Variants in CSTPP1 observed in about 807,000 individuals in gnomAD.
The protein encoded by CSTPP1 is centriolar satellite-associated tubulin polyglutamylase complex regulator 1, also known as UPF0705 protein C11orf49.
the CSTPP1 span, among the ~76,000 whole-genome samples, chr11:47,060,258 C>CTTTTTTTTTTT: frequency 2.0e-3 from 194 of 99,020 alleles, no homozygotes; most frequent in Non-Finnish European, 2.3e-3. Context: ...CTTTTCTTTT[C>CTTTTTTTTTTT]TTTTTTTTTT....
At chr11:47,112,055 C>T in the CSTPP1 span, among the ~76,000 whole-genome samples, 1 of 152,162 alleles carries the variant, frequency 6.6e-6, no homozygotes, top group Non-Finnish European at 1.5e-5. Flanking sequence ...GGCACACTCC[C>T]TCCTTAAGAC....
the CSTPP1 span, among the ~76,000 whole-genome samples, chr11:47,156,105 C>T: frequency 3.9e-5 from 6 of 152,306 alleles, no homozygotes; most frequent in East Asian, 1.9e-4. Context: ...CCCAGCCAGC[C>T]CTGGCCTCAT....
the CSTPP1 span, among the ~76,000 whole-genome samples, chr11:47,002,154 A>G: frequency 6.7e-6 from 1 of 148,494 alleles, no homozygotes; most frequent in Non-Finnish European, 1.5e-5. Flanking sequence ...CCCGTTTCTC[A>G]TTGTCAGCAT....
At chr11:47,085,219 A>G in the CSTPP1 span, among the ~76,000 whole-genome samples, 1 of 152,150 alleles carries the variant, frequency 6.6e-6, no homozygotes, top group African/African-American at 2.4e-5. Context: ...ACAAACAAAC[A>G]GTAAGACCCG....
At chr11:47,095,081 G>GA in the CSTPP1 span, among the ~76,000 whole-genome samples, 1 of 152,260 alleles carries the variant, frequency 6.6e-6, no homozygotes, top group Non-Finnish European at 1.5e-5. Context: ...TTTCTGAGGG[G>GA]AAATGGCCTA....
At chr11:46,945,484 G>A in the CSTPP1 span, among the ~76,000 whole-genome samples, 1 of 152,030 alleles carries the variant, frequency 6.6e-6, no homozygotes, top group Non-Finnish European at 1.5e-5. Flanking sequence ...GCATGGTGGT[G>A]CGCACCTGGA....
At chr11:47,029,900 C>G in the CSTPP1 span, among the ~76,000 whole-genome samples, 8 of 149,212 alleles carry the variant, frequency 5.4e-5, no homozygotes, top group African/African-American at 2.0e-4. Context: ...GAGTTCAAGA[C>G]CAGCCTGGGC....
At chr11:46,999,125 T>G in the CSTPP1 span, among the ~76,000 whole-genome samples, 1 of 152,068 alleles carries the variant, frequency 6.6e-6, no homozygotes, top group Admixed American at 6.6e-5. Context: ...AGCTGCTTAT[T>G]CTTCTAAGTC....
chr11:47,140,153 A>C, the CSTPP1 span, among the ~76,000 whole-genome samples: 2 of 151,974 alleles, frequency 1.3e-5, no homozygotes, highest in East Asian at 1.9e-4. Context: ...ACACATGCAA[A>C]ATTTTGTAGG....
chr11:46,973,780 A>ATGTGTGTG, the CSTPP1 span, among the ~76,000 whole-genome samples: 1,035 of 150,582 alleles, frequency 6.9e-3, 2 homozygotes, highest in South Asian at 9.6e-3. Context: ...TGGAGGGTGT[A>ATGTGTGTG]TGTGTGTGTG....
chr11:47,030,748 C>G, the CSTPP1 span, among the ~76,000 whole-genome samples: 1 of 152,160 alleles, frequency 6.6e-6, no homozygotes. Context: ...ATTTAGCTCC[C>G]ACTTATAAGT....
At chr11:47,093,038 G>A in the CSTPP1 span, among the ~76,000 whole-genome samples, 1 of 152,316 alleles carries the variant, frequency 6.6e-6, no homozygotes, top group Non-Finnish European at 1.5e-5. Context: ...GTCATGAAAG[G>A]TGATTTAGAG....
the CSTPP1 span, among the ~76,000 whole-genome samples, chr11:47,016,400 A>C: frequency 1.3e-4 from 19 of 143,498 alleles, no homozygotes; most frequent in African/African-American, 5.1e-4. Context: ...CAAAAAACAA[A>C]AAACAAAAAA....
the CSTPP1 span, among the ~76,000 whole-genome samples, chr11:47,026,597 G>A: frequency 1.3e-5 from 2 of 152,042 alleles, no homozygotes; most frequent in African/African-American, 4.8e-5. Flanking sequence ...GCTAAAATTG[G>A]CTGGGCACGG....
the CSTPP1 span, among the ~76,000 whole-genome samples, chr11:47,110,990 C>T: frequency 6.6e-6 from 1 of 151,494 alleles, no homozygotes; most frequent in African/African-American, 2.4e-5. Flanking sequence ...CCCGGGTTCA[C>T]GCCATTCTCC....
the CSTPP1 span, among the ~76,000 whole-genome samples, chr11:47,054,655 A>C: frequency 6.6e-6 from 1 of 152,154 alleles, no homozygotes; most frequent in South Asian, 2.1e-4. Flanking sequence ...TGAGCTCTAG[A>C]AAGATCATTC....
At chr11:47,141,001 T>G in the CSTPP1 span, among the ~76,000 whole-genome samples, 5 of 152,084 alleles carry the variant, frequency 3.3e-5, no homozygotes, top group Non-Finnish European at 7.4e-5. Flanking sequence ...CTCAGGAGGC[T>G]GAGGCAGGAG....
chr11:46,946,368 G>A, the CSTPP1 span, among the ~76,000 whole-genome samples: 1 of 152,210 alleles, frequency 6.6e-6, no homozygotes, highest in East Asian at 1.9e-4. Flanking sequence ...AAAAATAATA[G>A]TAGAGCAGGC....
the CSTPP1 span, among the ~76,000 whole-genome samples, chr11:47,115,367 C>T: frequency 2.0e-5 from 3 of 152,176 alleles, no homozygotes; most frequent in Admixed American, 1.3e-4. Flanking sequence ...GGAGGATTCC[C>T]TCTTTTTCTA....
Sources: gnomAD v4.1 joint callset for allele counts (sites outside exome capture counted in the v4.1 genomes callset) on GRCh38, gnomAD v4.1.1 for gene constraint, MANE v1.5 for transcripts, NCBI Gene and HGNC (gene_info 2026-07-23, HGNC 2026-07-21) for gene names.